The following HYAL4 variants were observed in gnomAD, a reference collection of about 807,000 sequenced individuals.
HYAL4 encodes hyaluronidase 4.
In HYAL4, 37 loss-of-function variants were observed where a neutral mutation model predicts 35.2. The ratio of observed to expected loss-of-function variants is 1.05; its 90% confidence interval spans 0.81 to 1.38. The LOEUF is 1.38. HYAL4 is among the 40% of genes most tolerant of loss of function. HYAL4 has a pLI of 0.00. For synonymous variants in HYAL4, 198 were observed against 203.2 expected (o/e 0.97, Z 0.22); for missense variants, 572 against 572.4 (o/e 1.00, Z 0.01).
the HYAL4 span, among the ~76,000 whole-genome samples, chr7:123,776,633 G>A: frequency 1.1e-4 from 17 of 152,276 alleles, no homozygotes; most frequent in South Asian, 4.2e-4. Context: ...GCAGTTGGCT[G>A]CTCCCGAACT....
the HYAL4 span, among the ~76,000 whole-genome samples, chr7:123,766,764 C>A: frequency 2.0e-5 from 3 of 152,074 alleles, no homozygotes; most frequent in South Asian, 6.2e-4. Context: ...GAAATATTGA[C>A]ATAATTTTTG....
Position 123,855,936 on chromosome 7 carries a change from A to G in HYAL4, c.-52+7778A>G, listed in dbSNP as rs529342929. Among the ~76,000 whole-genome samples the G allele has an allele frequency of 4.0e-5, 6 of 151,540 alleles. No individual in the cohort carries two copies. In the South Asian group the frequency reaches 1.3e-3, roughly 32 times the overall value. ...TTCTCTAATCTTGTCTTCACACTTT[A>G]TTTCATTCAGTTGATCTTCAATCTC... On this transcript the variant is annotated intron_variant, in intron 2 of 4. Transcript: ENST00000223026.
At chr7:123,821,518 T>G in the HYAL4 span, among the ~76,000 whole-genome samples, 1 of 152,196 alleles carries the variant, frequency 6.6e-6, no homozygotes, top group Non-Finnish European at 1.5e-5. Flanking sequence ...TTTTGCTGAG[T>G]CATAGAAGTT....
chr7:123,842,958 C>A (rs1356656566), upstream of HYAL4, among the ~76,000 whole-genome samples: 6 of 151,888 alleles, frequency 4.0e-5, no homozygotes, highest in African/African-American at 1.5e-4. Flanking sequence ...ATCCAATTTG[C>A]CAGTCTGTGT....
chr7:123,825,374 C>A (rs534741308), upstream of HYAL4, among the ~76,000 whole-genome samples: 2 of 151,964 alleles, frequency 1.3e-5, no homozygotes, highest in African/African-American at 4.8e-5. Context: ...CTGAAATAGC[C>A]ATGTAATCAC....
chr7:123,849,149 C>G (rs759067299), intron 2 of HYAL4, among the ~76,000 whole-genome samples: 2 of 151,980 alleles, frequency 1.3e-5, no homozygotes, highest in Non-Finnish European at 2.9e-5. Context: ...ATGCTGTTTA[C>G]TTTAGTGACT....
the HYAL4 span, among the ~76,000 whole-genome samples, chr7:123,791,316 G>C: frequency 6.6e-6 from 1 of 152,162 alleles, no homozygotes; most frequent in Middle Eastern, 3.4e-3. Context: ...TTCTTTATCT[G>C]TAAAAAGAGA....
At chr7:123,801,695 T>C in the HYAL4 span, among the ~76,000 whole-genome samples, 2 of 152,228 alleles carry the variant, frequency 1.3e-5, no homozygotes, top group South Asian at 4.1e-4. Context: ...TAGTCCTCAA[T>C]TTTGCAGGCT....
chr7:123,847,129 G>A (rs1228573880), intron 1 of HYAL4, among the ~76,000 whole-genome samples: 1 of 152,156 alleles, frequency 6.6e-6, no homozygotes, highest in African/African-American at 2.4e-5. Flanking sequence ...GTCTGTCCAC[G>A]TGAGAGCTGC....
chr7:123,792,763 GA>G, the HYAL4 span, among the ~76,000 whole-genome samples: 1 of 152,146 alleles, frequency 6.6e-6, no homozygotes, highest in Non-Finnish European at 1.5e-5. Flanking sequence ...TTTCACAGAA[GA>G]GTTAGGGCCC....
chr7:123,823,097 T>C, the HYAL4 span, among the ~76,000 whole-genome samples: 7 of 152,360 alleles, frequency 4.6e-5, no homozygotes, highest in Admixed American at 4.6e-4. Flanking sequence ...TTGTCATATG[T>C]GGCCTTTGTA....
the HYAL4 span, among the ~76,000 whole-genome samples, chr7:123,783,490 A>G: frequency 6.6e-6 from 1 of 152,324 alleles, no homozygotes; most frequent in Non-Finnish European, 1.5e-5. Context: ...TAGAGAAGGA[A>G]TTACTCAGTT....
intron 1 of HYAL4, among the ~76,000 whole-genome samples, chr7:123,846,846 C>G (rs1479324266): frequency 6.6e-6 from 1 of 152,196 alleles, no homozygotes; most frequent in Non-Finnish European, 1.5e-5. Flanking sequence ...CCCTGTATTT[C>G]ACTCAGCTCT....
the HYAL4 span, among the ~76,000 whole-genome samples, chr7:123,818,817 G>A: frequency 1.3e-5 from 2 of 151,786 alleles, no homozygotes; most frequent in African/African-American, 4.8e-5. Context: ...TATTTTAATT[G>A]ACATATACAA....
At chr7:123,806,984 T>C in the HYAL4 span, among the ~76,000 whole-genome samples, 3 of 152,296 alleles carry the variant, frequency 2.0e-5, no homozygotes, top group African/African-American at 7.2e-5. Flanking sequence ...TCCTTATAGA[T>C]GTCCTACAGT....
chr7:123,868,461 A>G lies in HYAL4; in HGVS notation c.188A>G (p.Tyr63Cys), dbSNP rs1217752244. The G allele has an allele frequency of 2.5e-6, 4 of 1,606,002 alleles. No homozygotes were observed. In the East Asian group the frequency reaches 6.7e-5, roughly 27 times the overall value. The change falls in exon 3 of 5, where the codon TAT becomes TGT. Residue 63 changes from tyrosine (Y) to cysteine (C), a missense_variant. Coordinates refer to ENST00000223026, the MANE Select transcript of HYAL4 (RefSeq NM_012269.3). ...CCAACAGATCAGTGTTTGATAAAATATAATTTAAGACTAAATTTGAAAATG... is the reference window on the plus strand; with the variant it reads ...CCAACAGATCAGTGTTTGATAAAATGTAATTTAAGACTAAATTTGAAAATG... Reference protein sequence around the residue: ...NAPTDQCLIKYNLRLNLKMFP... With the variant: ...NAPTDQCLIKCNLRLNLKMFP...
At chr7:123,828,462 A>ACACACACACC (rs1554415979), upstream of HYAL4, among the ~76,000 whole-genome samples, 12 of 137,438 alleles carry the variant, frequency 8.7e-5, no homozygotes, top group Admixed American at 8.4e-4. Flanking sequence ...ACACACACAC[A>ACACACACACC]CCTCTAAAAA....
At chr7:123,876,700 G>C in intron 4 of HYAL4, 54 bp from the exon 5 acceptor site, 1 of 1,548,344 alleles carries the variant, frequency 6.5e-7, no homozygotes, top group Non-Finnish European at 8.8e-7. Flanking sequence ...CGATTTCTTT[G>C]TACATTTCTA....
At position 123,876,981 on chromosome 7, in the gene HYAL4, A is replaced by G. The variant is rs948589672; in HGVS notation, c.1272A>G (p.Thr424=). 3.1e-6 allele frequency: 5 copies of G among 1,614,200 alleles called. No homozygotes were observed. The highest frequency in any genetic ancestry group is 4.2e-6 in the Non-Finnish European group (5 of 1,180,022). The stretch of plus-strand genomic sequence containing the variant: ...CTGTGAAAGGAAAAGCATCTGATAC[A>G]GACCTGGCAGTGATGGCAGATACAT... ...EFTVKGKASD[T]DLAVMADTFS... is the part of the protein sequence containing the mutation. The change falls in exon 5 of 5, where the codon ACA becomes ACG. Residue 424 remains threonine, a synonymous_variant. Coordinates refer to ENST00000223026, the MANE Select transcript of HYAL4 (RefSeq NM_012269.3).
Sources: gnomAD v4.1 joint callset for allele counts (sites outside exome capture counted in the v4.1 genomes callset) on GRCh38, gnomAD v4.1.1 for gene constraint, MANE v1.5 for transcripts, NCBI Gene and HGNC (gene_info 2026-07-23, HGNC 2026-07-21) for gene names.